Variants in CENPP observed in about 807,000 individuals in gnomAD.
CENPP encodes the protein centromere protein P.
Under a neutral mutation model 35.6 loss-of-function variants are expected in CENPP, and 24 were observed. The ratio of observed to expected loss-of-function variants is 0.67; its 90% CI spans 0.49 to 0.95. The LOEUF (loss-of-function observed/expected upper bound fraction) is 0.95, where lower values mean the gene tolerates loss of function less well. Ranked by LOEUF, CENPP falls within the 40% of genes least tolerant of loss-of-function variation. The probability of loss-of-function intolerance (pLI) is 0.00; values close to 1 mark genes in which losing one functional copy is unlikely to be tolerated. For missense variants in CENPP, 332 were observed against 345.3 expected (o/e 0.96, Z 0.31); for synonymous variants, 120 against 125.5 (o/e 0.96, Z 0.29).
chr9:92,590,989 G>A (rs1001573322), intron 5 of CENPP, among the ~76,000 whole-genome samples: 1 of 152,206 alleles, frequency 6.6e-6, no homozygotes. Flanking sequence ...TGAGCCAAAA[G>A]GGAGTCAACA....
rs774163881 is a variant in CENPP at position 92,403,342 on chromosome 9, T to A, written c.564+23483T>A. 9 of 1,613,468 alleles carry A rather than the reference T, an allele frequency of 5.6e-6. No individual in the cohort carries two copies. The South Asian group carries it at 9.9e-5, about 18-fold the overall frequency. On this transcript the variant is annotated intron_variant, in intron 5 of 7. Transcript: ENST00000375587. ...AGATAATGCGTGAGTCCTGCTGGGT[T>A]GGTGGTGCTGGCTTTATCAGAGGCA...
intron 5 of CENPP, among the ~76,000 whole-genome samples, chr9:92,398,183 A>G (rs1365297434): frequency 1.3e-5 from 2 of 152,230 alleles, no homozygotes; most frequent in African/African-American, 2.4e-5. Context: ...CTGAAGGTAT[A>G]TAGGAAAATG....
intron 5 of CENPP, among the ~76,000 whole-genome samples, chr9:92,572,640 T>C (rs1294105888): frequency 6.6e-6 from 1 of 152,214 alleles, no homozygotes; most frequent in African/African-American, 2.4e-5. Context: ...TGGCCTGCCT[T>C]GCTATGTTGG....
At chr9:92,426,815 C>G (rs867885963) in intron 5 of CENPP, among the ~76,000 whole-genome samples, 2 of 152,162 alleles carry the variant, frequency 1.3e-5, no homozygotes, top group African/African-American at 4.8e-5. Context: ...AATATAGATA[C>G]AGCTGGTTAA....
At chr9:92,469,778 C>A (rs1359857424) in intron 5 of CENPP, among the ~76,000 whole-genome samples, 1 of 152,050 alleles carries the variant, frequency 6.6e-6, no homozygotes, top group African/African-American at 2.4e-5. Flanking sequence ...GAGGCGGTGG[C>A]GGGGGAAATG....
chr9:92,581,532 G>A (rs1439299182), intron 5 of CENPP, among the ~76,000 whole-genome samples: 1 of 152,128 alleles, frequency 6.6e-6, no homozygotes, highest in Non-Finnish European at 1.5e-5. Flanking sequence ...ATGGAAACCA[G>A]GAAGCAGTGG....
chr9:92,589,000 A>G (rs915754542), intron 5 of CENPP, among the ~76,000 whole-genome samples: 1 of 152,246 alleles, frequency 6.6e-6, no homozygotes, highest in Non-Finnish European at 1.5e-5. Context: ...TTAATATGCA[A>G]ATGTATCATT....
chr9:92,502,672 CTA>C, intron 5 of CENPP: 1 of 1,519,254 alleles, frequency 6.6e-7, no homozygotes, highest in Non-Finnish European at 9.0e-7. Context: ...AGAGAGAAGA[CTA>C]TTATTTTTCT....
chr9:92,393,816 G>A (rs1842783382), intron 5 of CENPP, among the ~76,000 whole-genome samples: 2 of 151,600 alleles, frequency 1.3e-5, no homozygotes, highest in East Asian at 3.9e-4. Flanking sequence ...TCTTTTTCAG[G>A]GCATTTATTC....
chr9:92,416,258 C>A (rs1018507670), intron 5 of CENPP, among the ~76,000 whole-genome samples: 4 of 151,526 alleles, frequency 2.6e-5, no homozygotes, highest in African/African-American at 9.7e-5. Flanking sequence ...TGCCACCATG[C>A]CTGGCTAATT....
At chr9:92,581,726 A>G (rs964558179) in intron 5 of CENPP, among the ~76,000 whole-genome samples, 3 of 152,224 alleles carry the variant, frequency 2.0e-5, no homozygotes, top group Admixed American at 6.5e-5. Flanking sequence ...TGATCCAAGA[A>G]GGAAGGTTTG....
intron 5 of CENPP, chr9:92,424,256 G>A (rs894462210): frequency 2.0e-5 from 3 of 152,106 alleles, no homozygotes; most frequent in Non-Finnish European, 4.4e-5. Flanking sequence ...TCCTTTAAAT[G>A]AATCAGAAAT....
At chr9:92,361,548 T>C (rs1186594940) in intron 4 of CENPP, among the ~76,000 whole-genome samples, 1 of 151,528 alleles carries the variant, frequency 6.6e-6, no homozygotes, top group African/African-American at 2.4e-5. Context: ...GGCACAATCT[T>C]GGCTCACTGC....
At chr9:92,438,448 T>C (rs918705683) in intron 5 of CENPP, among the ~76,000 whole-genome samples, 4 of 152,236 alleles carry the variant, frequency 2.6e-5, no homozygotes, top group African/African-American at 9.6e-5. Context: ...CTTATACCAG[T>C]GTCATGCCCT....
chr9:92,473,806 T>C (rs182026820), intron 5 of CENPP, among the ~76,000 whole-genome samples: 4 of 152,370 alleles, frequency 2.6e-5, no homozygotes, highest in African/African-American at 7.2e-5. Context: ...AGTAGATTAT[T>C]GTAAGCTTTA....
At chr9:92,450,345 G>GTTTGGTTTT (rs1286244318) in intron 5 of CENPP, among the ~76,000 whole-genome samples, 1 of 150,416 alleles carries the variant, frequency 6.6e-6, no homozygotes, top group Non-Finnish European at 1.5e-5. Flanking sequence ...AAGATGCGGT[G>GTTTGGTTTT]TTTGGTTTTT....
chr9:92,408,335 G>A (rs570434985), intron 5 of CENPP, among the ~76,000 whole-genome samples: 1 of 152,084 alleles, frequency 6.6e-6, no homozygotes, highest in Non-Finnish European at 1.5e-5. Context: ...ACAGGCATGC[G>A]CCACCACGCC....
Position 92,522,146 on chromosome 9 carries a change from G to T in CENPP, c.565-89168G>T, listed in dbSNP as rs188491744. On this transcript the variant is annotated intron_variant, in intron 5 of 7. Transcript: ENST00000375587. ...CTGTCGCCCAGGCTGGAGTGCAGTG[G>T]TGTGATCTCTGCTCACTGCAACCTC... 7.2e-5 allele frequency among the ~76,000 whole-genome samples: 11 copies of T among 152,192 alleles called. 1 individual carries two copies. In the East Asian group the frequency reaches 2.1e-3, roughly 29 times the overall value.
chr9:92,363,449 G>A (rs1472818197), intron 4 of CENPP, among the ~76,000 whole-genome samples: 1 of 152,078 alleles, frequency 6.6e-6, no homozygotes, highest in Non-Finnish European at 1.5e-5. Flanking sequence ...TTTTACAATT[G>A]CCTACAGTAT....
Sources: gnomAD v4.1 joint callset for allele counts (sites outside exome capture counted in the v4.1 genomes callset) on GRCh38, gnomAD v4.1.1 for gene constraint, MANE v1.5 for transcripts, NCBI Gene and HGNC (gene_info 2026-07-23, HGNC 2026-07-21) for gene names.